Variants in GRID2 observed in about 807,000 individuals in gnomAD.
GRID2 encodes the protein glutamate ionotropic receptor delta type subunit 2.
Under a neutral mutation model 114.8 loss-of-function variants are expected in GRID2, and 33 were observed. The observed-to-expected ratio is 0.29, with a 90% confidence interval of 0.22 to 0.38. GRID2 has a LOEUF of 0.38. Ranked by LOEUF, GRID2 falls within the 10% of genes least tolerant of loss-of-function variation. GRID2 has a pLI of 1.00. For missense variants in GRID2, 1,184 were observed against 1,257.7 expected, an observed-to-expected ratio of 0.94 and a Z score of 0.89; for synonymous variants, 505 against 449.9, an observed-to-expected ratio of 1.12 and a Z score of -1.55.
intron 2 of GRID2, among the ~76,000 whole-genome samples, chr4:93,040,677 C>T (rs192543626): frequency 4.6e-5 from 7 of 152,096 alleles, no homozygotes; most frequent in Non-Finnish European, 7.4e-5. Context: ...AAAAATCGGT[C>T]GGAACAGTGT....
chr4:93,025,741 T>A (rs1414550517), intron 2 of GRID2, among the ~76,000 whole-genome samples: 2 of 151,754 alleles, frequency 1.3e-5, no homozygotes, highest in African/African-American at 4.8e-5. Context: ...TTTCACTTGG[T>A]AACTGGCTCT....
chr4:93,615,382 A>G (rs1741511619), intron 13 of GRID2, among the ~76,000 whole-genome samples: 2 of 152,224 alleles, frequency 1.3e-5, no homozygotes, highest in Non-Finnish European at 2.9e-5. Context: ...TTAAAGCACA[A>G]GAGTAATTTG....
intron 1 of GRID2, among the ~76,000 whole-genome samples, chr4:92,318,961 A>C (rs1384822588): frequency 1.3e-5 from 2 of 152,080 alleles, no homozygotes; most frequent in African/African-American, 4.8e-5. Flanking sequence ...AGAAGAGAGG[A>C]AGGAATGTAC....
intron 8 of GRID2, among the ~76,000 whole-genome samples, chr4:93,299,464 A>G (rs1182550198): frequency 6.7e-6 from 1 of 149,456 alleles, no homozygotes; most frequent in Admixed American, 6.8e-5. Flanking sequence ...ATCTCCGTTT[A>G]ATTATCTTTC....
intron 2 of GRID2, among the ~76,000 whole-genome samples, chr4:92,900,151 A>T (rs1260428647): frequency 6.6e-6 from 1 of 152,176 alleles, no homozygotes; most frequent in Non-Finnish European, 1.5e-5. Context: ...TTAGGTGTGA[A>T]AACTCTAACA....
intron 13 of GRID2, among the ~76,000 whole-genome samples, chr4:93,569,890 A>G (rs1735777293): frequency 6.6e-6 from 1 of 152,158 alleles, no homozygotes; most frequent in Non-Finnish European, 1.5e-5. Context: ...CATATCCTCC[A>G]ACACTTTCCA....
chr4:92,475,740 G>A (rs998410817), intron 1 of GRID2, among the ~76,000 whole-genome samples: 2 of 151,820 alleles, frequency 1.3e-5, no homozygotes, highest in East Asian at 3.9e-4. Context: ...GCATTGCATT[G>A]AATTTTTATA....
At chr4:92,509,095 AAAAG>A (rs1325178293) in intron 1 of GRID2, among the ~76,000 whole-genome samples, 1 of 151,776 alleles carries the variant, frequency 6.6e-6, no homozygotes, top group African/African-American at 2.4e-5. Context: ...AACAAACCAA[AAAAG>A]AAAGAAAGAA....
At chr4:93,131,145 ATTTT>A (rs34215461) in intron 4 of GRID2, among the ~76,000 whole-genome samples, 124 of 88,728 alleles carry the variant, frequency 1.4e-3, no homozygotes, top group South Asian at 3.6e-3. Flanking sequence ...AGATTAAATA[ATTTT>A]TTTTTTTTTT....
intron 14 of GRID2, among the ~76,000 whole-genome samples, chr4:93,755,019 G>A (rs1018428513): frequency 2.0e-5 from 3 of 152,090 alleles, no homozygotes; most frequent in Admixed American, 6.5e-5. Flanking sequence ...GTAAGTAAAC[G>A]TTGTGCATGT....
At chr4:92,783,218 G>C (rs1279074979) in intron 2 of GRID2, among the ~76,000 whole-genome samples, 2 of 152,024 alleles carry the variant, frequency 1.3e-5, no homozygotes, top group Admixed American at 6.6e-5. Context: ...ATTTGGAATA[G>C]CTATGTTGTG....
chr4:92,539,449 A>G (rs1725820153), intron 1 of GRID2, among the ~76,000 whole-genome samples: 1 of 152,142 alleles, frequency 6.6e-6, no homozygotes, highest in African/African-American at 2.4e-5. Context: ...TATAATATTA[A>G]TCTACTGTTC....
chr4:92,881,593 A>G (rs1330375578), intron 2 of GRID2, among the ~76,000 whole-genome samples: 12 of 152,208 alleles, frequency 7.9e-5, no homozygotes, highest in African/African-American at 2.4e-4. Context: ...TTGTCAATAG[A>G]TCATATGACA....
intron 1 of GRID2, among the ~76,000 whole-genome samples, chr4:92,530,377 T>A (rs1341978544): frequency 2.0e-5 from 3 of 151,838 alleles, no homozygotes; most frequent in African/African-American, 7.3e-5. Flanking sequence ...CAGTGCCTCA[T>A]ACGAACTATT....
At chr4:92,818,804 A>C (rs997187859) in intron 2 of GRID2, among the ~76,000 whole-genome samples, 2 of 152,128 alleles carry the variant, frequency 1.3e-5, no homozygotes, top group African/African-American at 4.8e-5. Flanking sequence ...ATTTCTGCCT[A>C]TGGACAACTA....
chr4:92,970,971 G>A (rs960049822), intron 2 of GRID2, among the ~76,000 whole-genome samples: 4 of 150,966 alleles, frequency 2.6e-5, no homozygotes, highest in Non-Finnish European at 1.5e-5. Context: ...TATATACATC[G>A]TGCGTGTATG....
intron 2 of GRID2, among the ~76,000 whole-genome samples, chr4:92,800,777 C>T (rs1001758654): frequency 6.6e-6 from 1 of 151,952 alleles, no homozygotes; most frequent in African/African-American, 2.4e-5. Context: ...AGACATTATG[C>T]CTAGGCCACT....
At chr4:93,723,224 G>C (rs1729546803) in intron 14 of GRID2, among the ~76,000 whole-genome samples, 1 of 152,188 alleles carries the variant, frequency 6.6e-6, no homozygotes, top group South Asian at 2.1e-4. Context: ...TCATTACCAT[G>C]TGAGTAACTC....
At chr4:93,323,329 T>C (rs1162619180) in intron 8 of GRID2, among the ~76,000 whole-genome samples, 5 of 152,180 alleles carry the variant, frequency 3.3e-5, no homozygotes, top group African/African-American at 1.2e-4. Flanking sequence ...TTTATTTTTG[T>C]CAGGTTTGTC....
Sources: gnomAD v4.1 joint callset for allele counts (sites outside exome capture counted in the v4.1 genomes callset) on GRCh38, gnomAD v4.1.1 for gene constraint, MANE v1.5 for transcripts, NCBI Gene and HGNC (gene_info 2026-07-23, HGNC 2026-07-21) for gene names.